Variants in NFIB observed in about 807,000 individuals in gnomAD.
NFIB encodes nuclear factor 1 B-type.
NFIB carries 11 observed loss-of-function variants against 61.5 expected under a neutral mutation model. The ratio of observed to expected loss-of-function variants is 0.18; its 90% CI spans 0.11 to 0.30. NFIB has a LOEUF of 0.30. Ranked by LOEUF, NFIB falls within the 10% of genes least tolerant of loss-of-function variation. The pLI is 1.00. For missense variants in NFIB, 471 were observed against 608.9 expected, an observed-to-expected ratio of 0.77 and a Z score of 2.38; for synonymous variants, 260 against 216.5, an observed-to-expected ratio of 1.20 and a Z score of -1.76.
intron 1 of NFIB, chr9:14,398,520 TC>T: frequency 6.5e-7 from 1 of 1,531,156 alleles, no homozygotes; most frequent in Non-Finnish European, 8.7e-7. Context: ...AAATTTAGAC[TC>T]ACAGAAAATC....
the NFIB span, among the ~76,000 whole-genome samples, chr9:14,462,238 T>C: frequency 2.4e-4 from 37 of 152,340 alleles, no homozygotes; most frequent in African/African-American, 8.9e-4. Flanking sequence ...CAGTGTATTG[T>C]GCTGAATCAC....
intron 1 of NFIB, among the ~76,000 whole-genome samples, chr9:14,342,951 T>C (rs1018152063): frequency 2.0e-5 from 3 of 151,968 alleles, no homozygotes; most frequent in African/African-American, 7.3e-5. Flanking sequence ...TGTTTTCATA[T>C]GTTTTTGTCT....
intron 7 of NFIB, among the ~76,000 whole-genome samples, chr9:14,124,029 G>A (rs16931379): frequency 0.17 from 25,946 of 151,834 alleles, 2,387 homozygotes; most frequent in African/African-American, 0.23. Context: ...AGCCAATGAC[G>A]TGGCCCCACT....
chr9:14,403,402 C>T (rs184257361), upstream of NFIB, among the ~76,000 whole-genome samples: 1 of 152,194 alleles, frequency 6.6e-6, no homozygotes, highest in Admixed American at 6.5e-5. Flanking sequence ...ATACCCCTTT[C>T]CCAGAAATTT....
chr9:14,170,478 C>G (rs577899283), intron 3 of NFIB, among the ~76,000 whole-genome samples: 1 of 152,200 alleles, frequency 6.6e-6, no homozygotes, highest in East Asian at 1.9e-4. Context: ...TCTGTCTCTA[C>G]AAAAAAATTA....
intron 1 of NFIB, among the ~76,000 whole-genome samples, chr9:14,340,555 G>C (rs1387945305): frequency 6.6e-6 from 1 of 152,210 alleles, no homozygotes; most frequent in East Asian, 1.9e-4. Context: ...TTTTTCCAAA[G>C]ACTCCTAAAC....
the NFIB span, among the ~76,000 whole-genome samples, chr9:14,485,214 C>T: frequency 6.6e-6 from 1 of 152,170 alleles, no homozygotes; most frequent in Non-Finnish European, 1.5e-5. Context: ...ACAGAAACCT[C>T]ATGACATCTT....
At chr9:14,517,237 T>A in the NFIB span, among the ~76,000 whole-genome samples, 1 of 152,094 alleles carries the variant, frequency 6.6e-6, no homozygotes, top group African/African-American at 2.4e-5. Context: ...CCCACCAACC[T>A]CTCTCTGGAA....
chr9:14,091,639 A>T (rs1037752451), intron 10 of NFIB, among the ~76,000 whole-genome samples: 1 of 152,112 alleles, frequency 6.6e-6, no homozygotes, highest in African/African-American at 2.4e-5. Context: ...ATATATCTTT[A>T]TAAGTGTGCA....
chr9:14,292,770 C>T (rs1175423620), intron 2 of NFIB, among the ~76,000 whole-genome samples: 2 of 152,030 alleles, frequency 1.3e-5, no homozygotes, highest in Non-Finnish European at 2.9e-5. Flanking sequence ...GAAGGTAATT[C>T]CATTATCAGG....
the NFIB span, among the ~76,000 whole-genome samples, chr9:14,520,600 A>T: frequency 6.6e-6 from 1 of 152,194 alleles, no homozygotes; most frequent in Non-Finnish European, 1.5e-5. Context: ...ATAATGAAAG[A>T]CCTCTAAACA....
rs1316865791 is a variant in NFIB at position 14,179,380 on chromosome 9, T to C, written c.616+347A>G. Among the ~76,000 whole-genome samples the C allele has an allele frequency of 3.9e-5, 6 of 152,266 alleles. No homozygotes were observed. In the South Asian group the frequency reaches 1.0e-3, roughly 26 times the overall value. The stretch of plus-strand genomic sequence containing the variant: ...TAAACTATAATTGCAGTATGGAAAT[T>C]TTTACATTTTCTTATGAGTTTTAAA... On this transcript the variant is annotated intron_variant, in intron 3 of 10. Transcript: ENST00000380953.
At chr9:14,491,478 G>A in the NFIB span, among the ~76,000 whole-genome samples, 1 of 152,224 alleles carries the variant, frequency 6.6e-6, no homozygotes, top group Non-Finnish European at 1.5e-5. Flanking sequence ...CTGGGGCAGA[G>A]AATGTGGGCA....
At chr9:14,518,261 G>A in the NFIB span, among the ~76,000 whole-genome samples, 43 of 152,234 alleles carry the variant, frequency 2.8e-4, no homozygotes, top group Non-Finnish European at 5.0e-4. Context: ...TGTGTTTTGG[G>A]GCAAAGTAGG....
At chr9:14,220,350 G>T (rs1278903451) in intron 2 of NFIB, among the ~76,000 whole-genome samples, 1 of 152,154 alleles carries the variant, frequency 6.6e-6, no homozygotes, top group Non-Finnish European at 1.5e-5. Context: ...CTATTTTAAA[G>T]CCCTTGTTGT....
the NFIB span, among the ~76,000 whole-genome samples, chr9:14,502,526 T>C: frequency 2.0e-5 from 3 of 152,148 alleles, no homozygotes; most frequent in African/African-American, 7.2e-5. Flanking sequence ...GGATTCCACT[T>C]GTCAAGAAAT....
At chr9:14,414,965 T>A in the NFIB span, among the ~76,000 whole-genome samples, 54 of 152,304 alleles carry the variant, frequency 3.5e-4, no homozygotes, top group Non-Finnish European at 6.3e-4. Flanking sequence ...ACCACACATT[T>A]AACAGCTTAA....
chr9:14,466,275 G>A, the NFIB span, among the ~76,000 whole-genome samples: 7 of 152,316 alleles, frequency 4.6e-5, no homozygotes, highest in East Asian at 1.9e-4. Flanking sequence ...ATAAAACCCT[G>A]AAGGTCTGCC....
At chr9:14,385,036 T>C (rs1318845896) in intron 1 of NFIB, among the ~76,000 whole-genome samples, 2 of 152,246 alleles carry the variant, frequency 1.3e-5, no homozygotes, top group African/African-American at 2.4e-5. Flanking sequence ...GTATCAAATA[T>C]GAGGCATTCG....
Sources: allele counts gnomAD v4.1 joint callset (sites outside exome capture counted in the v4.1 genomes callset), GRCh38; gene constraint gnomAD v4.1.1; transcripts MANE v1.5; gene names NCBI Gene and HGNC (gene_info 2026-07-23, HGNC 2026-07-21).